The following DNAJC24 variants were observed in gnomAD, a reference collection of about 807,000 sequenced individuals.
DNAJC24 encodes dnaJ homolog subfamily C member 24.
DNAJC24 carries 17 observed loss-of-function variants against 18.0 expected under a neutral mutation model. The observed-to-expected ratio is 0.94, with a 90% CI of 0.65 to 1.42. The LOEUF is 1.42. DNAJC24 is among the 40% of genes most tolerant of loss of function. DNAJC24 has a pLI of 0.00. For missense variants in DNAJC24, 158 were observed against 175.6 expected (o/e 0.90, Z 0.57); for synonymous variants, 55 against 57.7 (o/e 0.95, Z 0.21).
intron 2 of DNAJC24, among the ~76,000 whole-genome samples, chr11:31,389,366 TATATC>T (rs550566053): frequency 4.6e-5 from 7 of 152,206 alleles, no homozygotes; most frequent in Admixed American, 2.6e-4. Context: ...GAGCTATACT[TATATC>T]AAACAAAATA....
At chr11:31,414,711 C>G (rs923733454) in intron 2 of DNAJC24, 100 bp from the exon 3 acceptor site, 22 of 1,309,446 alleles carry the variant, frequency 1.7e-5, no homozygotes, top group Non-Finnish European at 2.1e-5. Context: ...TTCATCTTCT[C>G]ATTACCTTCT....
In DNAJC24 at chr11:31,423,147, C is replaced by A. The variant is rs577726957; in HGVS notation, c.251-3140C>A. The stretch of plus-strand genomic sequence containing the variant: ...GCCACTTAAGAGTCTCAACACACTA[C>A]CTTTAAAACTTTAAAAATTTTAATC... On this transcript the variant is annotated intron_variant, in intron 3 of 4. Transcript: ENST00000465995. Among the ~76,000 whole-genome samples, 8 of 152,184 alleles carry A rather than the reference C, an allele frequency of 5.3e-5. No homozygotes were observed. In the South Asian group the frequency reaches 1.7e-3, roughly 32 times the overall value.
chr11:31,408,522 G>T (rs1952676373), intron 2 of DNAJC24, among the ~76,000 whole-genome samples: 1 of 152,164 alleles, frequency 6.6e-6, no homozygotes, highest in South Asian at 2.1e-4. Context: ...ATACTGGACA[G>T]CCCATTGCCA....
intron 2 of DNAJC24, among the ~76,000 whole-genome samples, chr11:31,404,565 C>G (rs1186061904): frequency 6.6e-6 from 1 of 151,982 alleles, no homozygotes; most frequent in Non-Finnish European, 1.5e-5. Flanking sequence ...TTTATTAATG[C>G]CTTATTATTT....
intron 2 of DNAJC24, chr11:31,385,234 A>T (rs1030622580): frequency 2.0e-5 from 3 of 152,212 alleles, no homozygotes; most frequent in African/African-American, 7.2e-5. Flanking sequence ...AAAAAGGGCC[A>T]AAAAACTGGT....
intron 2 of DNAJC24, among the ~76,000 whole-genome samples, chr11:31,413,811 A>T (rs773071373): frequency 1.3e-5 from 2 of 152,174 alleles, no homozygotes; most frequent in African/African-American, 4.8e-5. Context: ...ACATATCTGA[A>T]TATGTGCTAT....
chr11:31,423,934 A>G (rs539271330), intron 3 of DNAJC24, among the ~76,000 whole-genome samples: 5 of 152,210 alleles, frequency 3.3e-5, no homozygotes, highest in Non-Finnish European at 7.3e-5. Context: ...GGCTACTCTA[A>G]AGTTCCTCTG....
intron 2 of DNAJC24, among the ~76,000 whole-genome samples, chr11:31,407,264 T>C (rs1349116539): frequency 2.0e-5 from 3 of 152,188 alleles, no homozygotes; most frequent in Admixed American, 1.3e-4. Context: ...TTACTTCTTA[T>C]GTATAGTTTA....
In DNAJC24 at chr11:31,432,649, CT is replaced by C; in HGVS notation, c.*2252del. 1 of 930,026 alleles carries C rather than the reference CT, an allele frequency of 1.1e-6. No individual in the cohort carries two copies. The highest frequency in any genetic ancestry group is 1.8e-6 in the Non-Finnish European group (1 of 565,242). 57.6% of individuals were successfully genotyped at this position (930,026 alleles called of 1,614,324 possible). On this transcript the variant is annotated 3_prime_UTR_variant, in exon 5 of 5. Transcript: ENST00000465995. ...TCATATTCCCTTTTGCTATCTGTCC[CT>C]TTTCTCTATGCCAGATAAACACTTT...
intron 2 of DNAJC24, among the ~76,000 whole-genome samples, chr11:31,371,433 C>T (rs1952249514): frequency 6.6e-6 from 1 of 152,162 alleles, no homozygotes; most frequent in African/African-American, 2.4e-5. Context: ...GATCTCTTAC[C>T]TAATTTTCAT....
At chr11:31,386,278 G>A (rs1418238182) in intron 2 of DNAJC24, among the ~76,000 whole-genome samples, 1 of 151,594 alleles carries the variant, frequency 6.6e-6, no homozygotes, top group Non-Finnish European at 1.5e-5. Flanking sequence ...GGCCCAGGGA[G>A]TACTTGCATC....
intron 2 of DNAJC24, among the ~76,000 whole-genome samples, chr11:31,392,033 G>A (rs917609425): frequency 6.6e-6 from 1 of 152,036 alleles, no homozygotes; most frequent in Non-Finnish European, 1.5e-5. Context: ...CTTATTTGTG[G>A]GAACTAAAAT....
At chr11:31,385,883 C>G (rs1423788755) in intron 2 of DNAJC24, among the ~76,000 whole-genome samples, 2 of 152,138 alleles carry the variant, frequency 1.3e-5, no homozygotes, top group African/African-American at 4.8e-5. Flanking sequence ...CCTACACCAT[C>G]TCTCCCCCAT....
At chr11:31,427,333 C>T (rs1952872023) in intron 4 of DNAJC24, 1 of 151,906 alleles carries the variant, frequency 6.6e-6, no homozygotes, top group Non-Finnish European at 1.5e-5. Flanking sequence ...GTCCCCAACC[C>T]CTCAAGTGAA....
intron 4 of DNAJC24, among the ~76,000 whole-genome samples, chr11:31,428,667 G>A (rs1293908810): frequency 6.6e-6 from 1 of 152,104 alleles, no homozygotes; most frequent in Non-Finnish European, 1.5e-5. Context: ...TGCTTAAAAG[G>A]CATATGTGAG....
intron 2 of DNAJC24, among the ~76,000 whole-genome samples, chr11:31,414,559 A>T (rs2133497675): frequency 6.6e-6 from 1 of 152,280 alleles, no homozygotes; most frequent in South Asian, 2.1e-4. Context: ...GATTCCATGA[A>T]CAAATTATCC....
chr11:31,391,911 T>A (rs1591906205), intron 2 of DNAJC24, among the ~76,000 whole-genome samples: 1 of 152,068 alleles, frequency 6.6e-6, no homozygotes, highest in South Asian at 2.1e-4. Context: ...GGAGTCCTAT[T>A]CAGCCATAAA....
chr11:31,419,899 A>G (rs1337795868), intron 3 of DNAJC24, among the ~76,000 whole-genome samples: 1 of 152,084 alleles, frequency 6.6e-6, no homozygotes, highest in Non-Finnish European at 1.5e-5. Context: ...CAACTACCAC[A>G]GTAGTCCATC....
At chr11:31,379,039 C>G (rs1256525132) in intron 2 of DNAJC24, among the ~76,000 whole-genome samples, 2 of 152,122 alleles carry the variant, frequency 1.3e-5, no homozygotes, top group African/African-American at 4.8e-5. Context: ...AAATGAGATG[C>G]TTATACTATG....
Sources: allele counts gnomAD v4.1 joint callset (sites outside exome capture counted in the v4.1 genomes callset), GRCh38; gene constraint gnomAD v4.1.1; transcripts MANE v1.5; gene names NCBI Gene and HGNC (gene_info 2026-07-23, HGNC 2026-07-21).